The following USP28 variants were observed in gnomAD, a reference collection of about 807,000 sequenced individuals.
USP28 encodes the protein ubiquitin specific peptidase 28, also known as ubiquitin carboxyl-terminal hydrolase 28.
A neutral mutation model predicts 145.0 loss-of-function variants in USP28; 113 were observed. The ratio of observed to expected loss-of-function variants is 0.78; its 90% confidence interval spans 0.67 to 0.91. The LOEUF (loss-of-function observed/expected upper bound fraction) is 0.91. USP28 is among the 40% of genes least tolerant of loss of function. The pLI, the probability that USP28 is intolerant of heterozygous loss-of-function variation, is 0.00. For synonymous variants in USP28, 447 were observed against 450.9 expected (o/e 0.99, Z 0.11); for missense variants, 1,201 against 1,289.6 (o/e 0.93, Z 1.05).
chr11:113,850,682 G>A (rs559846243), intron 3 of USP28, among the ~76,000 whole-genome samples: 59 of 152,214 alleles, frequency 3.9e-4, no homozygotes, highest in African/African-American at 1.3e-3. Context: ...GGCTTTCCGT[G>A]GGCACTCTTC....
intron 3 of USP28, among the ~76,000 whole-genome samples, chr11:113,845,455 TAAATA>T (rs142070945): frequency 0.048 from 7,325 of 151,214 alleles, 510 homozygotes; most frequent in East Asian, 0.3. Context: ...AATTAATAAA[TAAATA>T]AAATAAAATA....
intron 1 of USP28, among the ~76,000 whole-genome samples, chr11:113,856,474 A>G (rs1947060498): frequency 6.6e-6 from 1 of 152,214 alleles, no homozygotes; most frequent in African/African-American, 2.4e-5. Context: ...GCTGCTATAA[A>G]CACTTAGCAA....
At chr11:113,869,224 G>A (rs975293312) in intron 1 of USP28, among the ~76,000 whole-genome samples, 1 of 152,154 alleles carries the variant, frequency 6.6e-6, no homozygotes, top group Non-Finnish European at 1.5e-5. Context: ...CCGGAGGTCA[G>A]GTGTTCAAGA....
exon 1 of USP28, chr11:113,875,570 T>G: frequency 9.2e-7 from 1 of 1,081,428 alleles, no homozygotes; most frequent in Non-Finnish European, 1.1e-6. Flanking sequence ...CTCTCAGGAC[T>G]AGGCCCCGCC....
At chr11:113,855,650 C>T (rs1340712152) in intron 1 of USP28, among the ~76,000 whole-genome samples, 1 of 152,214 alleles carries the variant, frequency 6.6e-6, no homozygotes, top group East Asian at 1.9e-4. Flanking sequence ...GGCATGGTGG[C>T]TCATGCCTGT....
At chr11:113,830,821 G>A (rs1480782804) in intron 9 of USP28, 46 bp downstream of exon 9, 10 of 1,578,598 alleles carry the variant, frequency 6.3e-6, no homozygotes, top group African/African-American at 1.4e-5. Context: ...CAGTAATAAA[G>A]ATATGATCAA....
chr11:113,816,224 A>C (rs900230495), intron 13 of USP28, among the ~76,000 whole-genome samples: 7 of 151,966 alleles, frequency 4.6e-5, no homozygotes, highest in Non-Finnish European at 8.8e-5. Context: ...TTAAAAAAAA[A>C]CTCTCACTCC....
intron 11 of USP28, 58 bp downstream of exon 11, chr11:113,827,175 G>A (rs934361467): frequency 4.2e-5 from 66 of 1,560,276 alleles, no homozygotes; most frequent in East Asian, 1.6e-4. Flanking sequence ...TACTTAGTAC[G>A]TGCTCATCTC....
chr11:113,854,071 C>T (rs1179210740), intron 2 of USP28, among the ~76,000 whole-genome samples, 187 bp downstream of exon 2: 7 of 152,054 alleles, frequency 4.6e-5, no homozygotes, highest in Admixed American at 2.0e-4. Context: ...CAGGGTTACC[C>T]GAACCACAAA....
exon 18 of USP28, chr11:113,808,310 C>T (rs140076560): frequency 9.4e-5 from 152 of 1,612,834 alleles, no homozygotes; most frequent in African/African-American, 6.0e-4. Flanking sequence ...CACTCAGTGC[C>T]GCTTCTACAC....
intron 4 of USP28, 130 bp downstream of exon 4, chr11:113,841,533 T>A: frequency 1.7e-6 from 1 of 578,288 alleles, no homozygotes. Flanking sequence ...TAATGCAAAT[T>A]CAAAATTTCT....
At chr11:113,873,603 T>A (rs1949035780) in intron 1 of USP28, among the ~76,000 whole-genome samples, 1 of 152,208 alleles carries the variant, frequency 6.6e-6, no homozygotes, top group Non-Finnish European at 1.5e-5. Flanking sequence ...TAAATATGAC[T>A]TCTCTCTCCC....
chr11:113,842,044 T>C (rs1311980708), intron 3 of USP28, among the ~76,000 whole-genome samples: 5 of 152,168 alleles, frequency 3.3e-5, no homozygotes, highest in Admixed American at 1.3e-4. Flanking sequence ...GTAGATCCCA[T>C]ACATGTGGGT....
At chr11:113,815,843 A>G (rs746758902) in intron 13 of USP28, among the ~76,000 whole-genome samples, 13 of 152,338 alleles carry the variant, frequency 8.5e-5, no homozygotes, top group Middle Eastern at 3.4e-3. Flanking sequence ...CCTTCCTGGA[A>G]CAAAATACAC....
At chr11:113,800,341 A>G (rs951655186) in intron 24 of USP28, among the ~76,000 whole-genome samples, 25 of 150,130 alleles carry the variant, frequency 1.7e-4, no homozygotes, top group African/African-American at 5.9e-4. Flanking sequence ...ATAGGGTCTC[A>G]CTCCAAGCTG....
chr11:113,824,758 C>T (rs1943095340), intron 11 of USP28, among the ~76,000 whole-genome samples: 6 of 151,354 alleles, frequency 4.0e-5, no homozygotes, highest in Admixed American at 3.3e-4. Context: ...TGGGAGAAAC[C>T]CCATCTCTAC....
chr11:113,798,189 T>C (rs1390338819), exon 25 of USP28: 2 of 148,450 alleles, frequency 1.3e-5, no homozygotes, highest in African/African-American at 5.0e-5. Context: ...GGGAGGCAGA[T>C]AGATCACTTG....
At chr11:113,804,877 T>C (rs1398358260) in exon 20 of USP28, 1 of 1,614,144 alleles carries the variant, frequency 6.2e-7, no homozygotes. Context: ...CCTTTCATCA[T>C]AGCTAAGATT....
chr11:113,820,493 C>G (rs967153481), intron 12 of USP28: 10 of 152,208 alleles, frequency 6.6e-5, no homozygotes, highest in African/African-American at 2.4e-4. Context: ...CATATAGCCA[C>G]TCTAGTGATC....
Sources: gnomAD v4.1 joint callset for allele counts (sites outside exome capture counted in the v4.1 genomes callset) on GRCh38, gnomAD v4.1.1 for gene constraint, MANE v1.5 for transcripts, NCBI Gene and HGNC (gene_info 2026-07-23, HGNC 2026-07-21) for gene names.